Variants in ASMTL observed in about 807,000 individuals in gnomAD.
The protein encoded by ASMTL is acetylserotonin O-methyltransferase like, also known as probable bifunctional dTTP/UTP pyrophosphatase/methyltransferase protein.
ASMTL carries 57 observed loss-of-function variants against 60.3 expected under a neutral mutation model. That is an observed-to-expected ratio of 0.95 (90% CI 0.76 to 1.18). The LOEUF is 1.18. Among genes scored for constraint, ASMTL ranks in the 50% most tolerant of loss-of-function variants. The probability of loss-of-function intolerance (pLI) is 0.00; values close to 1 mark genes in which losing one functional copy is unlikely to be tolerated. For missense variants in ASMTL, 981 were observed against 852.6 expected (o/e 1.15, Z -1.88); for synonymous variants, 419 against 373.0 (o/e 1.12, Z -1.42).
chrX:1,413,145 C>G lies in ASMTL; in HGVS notation c.1523-291G>C, dbSNP rs1391602926. On this transcript the variant is annotated intron_variant, in intron 11 of 12. Coordinates refer to ENST00000381317, the MANE Select transcript of ASMTL (RefSeq NM_004192.4). ...TGGGAGCCTGAGGTGGGCAGATTGTCTGAGCTCAGGAGTTCGAGACCAGCC... is the reference window on the plus strand; with the variant it reads ...TGGGAGCCTGAGGTGGGCAGATTGTGTGAGCTCAGGAGTTCGAGACCAGCC... 4 of 413,372 alleles carry G rather than the reference C, an allele frequency of 9.7e-6. No individual in the cohort carries two copies. The South Asian group carries it at 1.0e-4, about 11-fold the overall frequency. 25.6% of individuals were successfully genotyped at this position (413,372 alleles called of 1,614,324 possible).
intron 8 of ASMTL, among the ~76,000 whole-genome samples, chrX:1,423,853 C>G (rs188030112): frequency 6.7e-6 from 1 of 149,038 alleles, no homozygotes; most frequent in East Asian, 2.1e-4. Context: ...TCCATTCACA[C>G]GCCCACCCAT....
intron 11 of ASMTL, chrX:1,413,244 C>G (rs4933099): frequency 0.29 from 53,914 of 186,902 alleles, 8,303 homozygotes; most frequent in South Asian, 0.45. Context: ...CGCCTGTCAT[C>G]CCAGCTACGC....
At chrX:1,451,258 G>C (rs1237148924) in intron 1 of ASMTL, among the ~76,000 whole-genome samples, 1 of 134,332 alleles carries the variant, frequency 7.4e-6, no homozygotes, top group African/African-American at 2.9e-5. Context: ...AGGGCGTCCT[G>C]GGTTACTCTC....
rs191395993 is a variant in ASMTL at position 1,420,554 on chromosome X, A to C, written c.1245+1104T>G. Among the ~76,000 whole-genome samples the C allele has an allele frequency of 4.5e-3, 678 of 152,314 alleles. 6 individuals are homozygous for C. Among genetic ancestry groups the C allele is most frequent in the African/African-American group, 0.01 (422 of 41,566 alleles). Reference sequence around the variant, plus strand: ...GGCCACGGCCAGCCGAGCCCACAGCAGACTCCCCACGCCTGGCTGGCACAG... The same window carrying C: ...GGCCACGGCCAGCCGAGCCCACAGCCGACTCCCCACGCCTGGCTGGCACAG... On this transcript the variant is annotated intron_variant, in intron 9 of 12. Coordinates refer to ENST00000381317, the MANE Select transcript of ASMTL (RefSeq NM_004192.4).
At position 1,412,838 on chromosome X, in the gene ASMTL, G is replaced by A; in HGVS notation, c.1539C>T (p.Asp513=). The A allele has an allele frequency of 1.9e-6, 3 of 1,613,934 alleles. No individual in the cohort carries two copies. Among genetic ancestry groups the A allele is most frequent in the Non-Finnish European group, 2.5e-6 (3 of 1,179,832 alleles). ...CGTACAGCTCAGCGCTGGGGAGGGGGTCCCTGAAAAAGTCACCTGGTTTAA... is the reference window on the plus strand; with the variant it reads ...CGTACAGCTCAGCGCTGGGGAGGGGATCCCTGAAAAAGTCACCTGGTTTAA... ...IHFAAGDFFR[D]PLPSAELYVL... Residue 513 remains aspartate, a synonymous_variant, in exon 12 of 13, where the codon GAC becomes GAT. Transcript: ENST00000381317.
chrX:1,416,345 A>ACAC (rs1368319213), intron 11 of ASMTL, among the ~76,000 whole-genome samples: 2 of 127,074 alleles, frequency 1.6e-5, no homozygotes, highest in African/African-American at 5.5e-5. Flanking sequence ...ACATACAGAT[A>ACAC]CAGTGACAGG....
chrX:1,446,545 G>T (rs1300231833), intron 1 of ASMTL, among the ~76,000 whole-genome samples: 1 of 149,070 alleles, frequency 6.7e-6, no homozygotes, highest in Non-Finnish European at 1.5e-5. Context: ...TGTCGCCCAG[G>T]CTGGAGTGCA....
Position 1,427,899 on chromosome X carries a change from G to A in ASMTL, c.732C>T (p.Gly244=), listed in dbSNP as rs5949099. The A allele has an allele frequency of 0.7, 1,128,372 of 1,612,642 alleles. 398,058 individuals are homozygous for A. Among genetic ancestry groups the A allele is most frequent in the East Asian group, 0.84 (37,766 of 44,854 alleles). The change falls in exon 7 of 13, where the codon GGC becomes GGT. Residue 244 remains glycine, a synonymous_variant. Transcript: ENST00000381317. ...CGTCCCTCTGAGTGGGCTCCGAGCC[G>A]CCCCCCTCCACGTCACTGAGGTCTT... ...TFEDLSDVEG[G]GSEPTQRDAG... is the part of the protein sequence containing the mutation.
intron 2 of ASMTL, among the ~76,000 whole-genome samples, chrX:1,441,080 C>T (rs2091095927): frequency 6.6e-6 from 1 of 151,806 alleles, no homozygotes; most frequent in African/African-American, 2.4e-5. Context: ...CTGCATAATT[C>T]TATATTATAA....
intron 11 of ASMTL, among the ~76,000 whole-genome samples, chrX:1,414,624 C>T (rs1368476532): frequency 6.6e-6 from 1 of 152,018 alleles, no homozygotes; most frequent in Non-Finnish European, 1.5e-5. Flanking sequence ...GGGAGGATCC[C>T]TTGAACCCAG....
chrX:1,412,760 G>A lies in ASMTL; in HGVS notation c.1617C>T (p.Leu539=). 2 of 1,614,002 alleles carry A rather than the reference G, an allele frequency of 1.2e-6. No individual in the cohort carries two copies. Among genetic ancestry groups the A allele is most frequent in the East Asian group, 2.2e-5 (1 of 44,884 alleles). ...DWPDDKVHKL[L]SRVAESCKPG... ...GCTTGCAGCTCTCGGCGACCCTGCT[G>A]AGTAACTTGTGGACTTTGTCGTCTG... Residue 539 remains leucine (L), a synonymous_variant, in exon 12 of 13, where the codon CTC becomes CTT. Coordinates refer to ENST00000381317, the MANE Select transcript of ASMTL (RefSeq NM_004192.4).
At chrX:1,425,491 G>A (rs1237773440) in intron 8 of ASMTL, 34 bp downstream of exon 8, 1 of 1,597,980 alleles carries the variant, frequency 6.3e-7, no homozygotes, top group South Asian at 1.1e-5. Flanking sequence ...CACCTGCAAA[G>A]ATCCTCAGAG....
At chrX:1,407,111 AGATG>A (rs1170161411) in intron 12 of ASMTL, among the ~76,000 whole-genome samples, 28 of 144,892 alleles carry the variant, frequency 1.9e-4, no homozygotes, top group South Asian at 4.5e-4. Flanking sequence ...GATGATGGGT[AGATG>A]GATGGATGGA....
At chrX:1,416,046 CA>C (rs1200917538) in intron 11 of ASMTL, among the ~76,000 whole-genome samples, 80 of 3,092 alleles carry the variant, frequency 0.026, 1 homozygote, top group Admixed American at 0.036. Flanking sequence ...CAGTGACAGG[CA>C]CACGCGCACA....
intron 12 of ASMTL, 23 bp downstream of exon 12, chrX:1,412,709 C>A: frequency 6.2e-7 from 1 of 1,613,984 alleles, no homozygotes; most frequent in Non-Finnish European, 8.5e-7. Context: ...ACAAAAACAG[C>A]TAACCTGACG....
chrX:1,421,788 G>A lies in ASMTL; in HGVS notation c.1115C>T (p.Ser372Phe). The A allele has an allele frequency of 1.2e-6, 2 of 1,613,740 alleles. No individual in the cohort carries two copies. Among genetic ancestry groups the A allele is most frequent in the East Asian group, 4.5e-5 (2 of 44,900 alleles). The change falls in exon 9 of 13, where the codon TCT (serine) becomes TTT (phenylalanine). Residue 372 changes from serine (S) to phenylalanine (F), a missense_variant. Physicochemically the swap from Ser to Phe is radical, Grantham distance 155. Coordinates refer to ENST00000381317, the MANE Select transcript of ASMTL (RefSeq NM_004192.4). ...NVYLASDGEYSLHGFIMHNND... is the reference protein window; with the variant it reads ...NVYLASDGEYFLHGFIMHNND... ...ATTGTGCATGATGAAGCCGTGCAGA[G>A]AGTATTCGCCATCCGATGCCAGGTA...
Position 1,412,752 on chromosome X carries a change from A to G in ASMTL, c.1625T>C (p.Val542Ala). 1 of 1,613,942 alleles carries G rather than the reference A, an allele frequency of 6.2e-7. No individual in the cohort carries two copies. The highest frequency in any genetic ancestry group is 1.3e-5 in the African/African-American group (1 of 75,038). ...DDKVHKLLSRVAESCKPGAGL... is the reference protein window; with the variant it reads ...DDKVHKLLSRAAESCKPGAGL... ...CTCACCTGGCTTGCAGCTCTCGGCGACCCTGCTGAGTAACTTGTGGACTTT... is the reference window on the plus strand; with the variant it reads ...CTCACCTGGCTTGCAGCTCTCGGCGGCCCTGCTGAGTAACTTGTGGACTTT... Residue 542 changes from valine to alanine, a missense_variant, in exon 12 of 13, where the codon GTC (valine) becomes GCC (alanine). Transcript: ENST00000381317.
rs773983851 is a variant in ASMTL, at chrX:1,440,118, G to A, written c.226-974C>T. 8.2e-5 allele frequency among the ~76,000 whole-genome samples: 12 copies of A among 145,876 alleles called. No individual in the cohort carries two copies. In the South Asian group the frequency reaches 1.9e-3, roughly 24 times the overall value. On this transcript the variant is annotated intron_variant, in intron 2 of 12. Transcript: ENST00000381317. ...TTTTTTTTTTTTGAGATGGAGTCTC[G>A]CTCTGTCGCCCAGGCTGGAGGGCAG...
At chrX:1,442,150 A>G (rs1449550714) in intron 2 of ASMTL, 36 bp downstream of exon 2, 1 of 1,605,716 alleles carries the variant, frequency 6.2e-7, no homozygotes, top group Non-Finnish European at 8.5e-7. Flanking sequence ...ACAGCAAAGG[A>G]ATTTTCATAA....
Sources: allele counts gnomAD v4.1 joint callset (sites outside exome capture counted in the v4.1 genomes callset), GRCh38; gene constraint gnomAD v4.1.1; transcripts MANE v1.5; gene names NCBI Gene and HGNC (gene_info 2026-07-23, HGNC 2026-07-21).